XKR9: variants seen among roughly 807,000 people sequenced by gnomAD.
XKR9 encodes the protein XK-related protein 9.
A neutral mutation model predicts 32.0 loss-of-function variants in XKR9; 32 were observed. The observed-to-expected ratio is 1.00, with a 90% CI of 0.76 to 1.34. The LOEUF (loss-of-function observed/expected upper bound fraction) is 1.34, where lower values mean the gene tolerates loss of function less well. Ranked by LOEUF, XKR9 falls within the 40% of genes most tolerant of loss-of-function variation. The pLI, the probability that XKR9 is intolerant of heterozygous loss-of-function variation, is 0.00. For missense variants in XKR9, 546 were observed against 429.7 expected, an observed-to-expected ratio of 1.27 and a Z score of -2.39; for synonymous variants, 168 against 143.4, an observed-to-expected ratio of 1.17 and a Z score of -1.22.
the XKR9 span, among the ~76,000 whole-genome samples, chr8:71,032,284 A>AAAG: frequency 7.7e-6 from 1 of 129,048 alleles, no homozygotes; most frequent in African/African-American, 3.6e-5. Flanking sequence ...ACTCTGTCAA[A>AAAG]AAAAAAAAAA....
At chr8:70,725,772 A>C (rs899180368) in intron 4 of XKR9, among the ~76,000 whole-genome samples, 2 of 151,864 alleles carry the variant, frequency 1.3e-5, no homozygotes, top group Middle Eastern at 3.2e-3. Flanking sequence ...TGGGCATGGT[A>C]GTGGTCGCCT....
chr8:70,745,381 A>G (rs568010696), intron 2 of XKR9, among the ~76,000 whole-genome samples: 1 of 152,326 alleles, frequency 6.6e-6, no homozygotes, highest in East Asian at 1.9e-4. Flanking sequence ...AAGAAAAATA[A>G]TTATGAGCAA....
the XKR9 span, among the ~76,000 whole-genome samples, chr8:70,806,462 A>T: frequency 1.3e-5 from 2 of 152,228 alleles, no homozygotes; most frequent in Non-Finnish European, 2.9e-5. Flanking sequence ...GTTGATAAAA[A>T]ACTACGCTGA....
the XKR9 span, among the ~76,000 whole-genome samples, chr8:70,919,379 T>C: frequency 6.6e-6 from 1 of 152,234 alleles, no homozygotes; most frequent in East Asian, 1.9e-4. Flanking sequence ...TGAGATTTTT[T>C]GGTTTGCTCT....
At chr8:70,754,726 C>G (rs965534882) in intron 2 of XKR9, among the ~76,000 whole-genome samples, 5 of 151,104 alleles carry the variant, frequency 3.3e-5, no homozygotes, top group Admixed American at 6.6e-5. Flanking sequence ...AAAGCTGAAA[C>G]TGGATCCCTT....
the XKR9 span, among the ~76,000 whole-genome samples, chr8:70,923,352 T>A: frequency 6.6e-6 from 1 of 152,224 alleles, no homozygotes; most frequent in South Asian, 2.1e-4. Flanking sequence ...TCAGCATGCA[T>A]CCAGCCATCT....
chr8:71,029,056 C>G, the XKR9 span, among the ~76,000 whole-genome samples: 2 of 152,170 alleles, frequency 1.3e-5, no homozygotes, highest in Non-Finnish European at 1.5e-5. Flanking sequence ...GGTCCGTTGT[C>G]TTCCTGTTGG....
the XKR9 span, among the ~76,000 whole-genome samples, chr8:70,926,167 C>G: frequency 6.6e-6 from 1 of 152,178 alleles, no homozygotes; most frequent in South Asian, 2.1e-4. Flanking sequence ...CTCCACCTCC[C>G]AGGTTCAAGC....
At chr8:70,744,502 C>T (rs900034215) in intron 2 of XKR9, among the ~76,000 whole-genome samples, 2 of 152,164 alleles carry the variant, frequency 1.3e-5, no homozygotes, top group African/African-American at 4.8e-5. Context: ...CACACAGATC[C>T]AATCTCAGGC....
intron 2 of XKR9, among the ~76,000 whole-genome samples, chr8:70,746,909 C>CTTG (rs1807066531): frequency 6.6e-6 from 1 of 152,074 alleles, no homozygotes; most frequent in Non-Finnish European, 1.5e-5. Flanking sequence ...TCAACCCTTG[C>CTTG]CCTCCTCCCT....
At chr8:71,007,113 A>G in the XKR9 span, among the ~76,000 whole-genome samples, 1 of 152,214 alleles carries the variant, frequency 6.6e-6, no homozygotes, top group Admixed American at 6.5e-5. Context: ...TTATTTCTCA[A>G]TGTCCGCGAT....
intron 4 of XKR9, among the ~76,000 whole-genome samples, chr8:70,709,620 G>T (rs764672560): frequency 6.6e-6 from 1 of 152,052 alleles, no homozygotes; most frequent in South Asian, 2.1e-4. Context: ...ATACAAGATC[G>T]ATGTACAAAA....
At chr8:70,870,976 C>A in the XKR9 span, among the ~76,000 whole-genome samples, 2 of 152,098 alleles carry the variant, frequency 1.3e-5, no homozygotes, top group East Asian at 3.9e-4. Flanking sequence ...TTTCTTCAAC[C>A]ACAAGTGGGG....
the XKR9 span, among the ~76,000 whole-genome samples, chr8:70,961,709 AC>A: frequency 6.6e-6 from 1 of 152,122 alleles, no homozygotes; most frequent in Non-Finnish European, 1.5e-5. Context: ...TTTTCCTTAT[AC>A]TTTTCTCTGT....
the XKR9 span, among the ~76,000 whole-genome samples, chr8:71,003,423 T>G: frequency 6.6e-6 from 1 of 152,240 alleles, no homozygotes; most frequent in Non-Finnish European, 1.5e-5. Context: ...CAGTATTGTC[T>G]TGGCTAACAT....
intron 2 of XKR9, among the ~76,000 whole-genome samples, chr8:70,772,385 C>T (rs1807465490): frequency 6.6e-6 from 1 of 152,120 alleles, no homozygotes; most frequent in Admixed American, 6.6e-5. Context: ...GACAAAGGAG[C>T]CTAAAGATTT....
the XKR9 span, among the ~76,000 whole-genome samples, chr8:70,880,031 T>C: frequency 7.9e-5 from 12 of 152,126 alleles, no homozygotes; most frequent in East Asian, 1.9e-3. Context: ...AGCCACACAA[T>C]TATCTCAATA....
At chr8:70,906,250 G>T in the XKR9 span, among the ~76,000 whole-genome samples, 2 of 152,210 alleles carry the variant, frequency 1.3e-5, no homozygotes, top group African/African-American at 4.8e-5. Context: ...AGGCAGGCAG[G>T]CCTCCTTGAG....
At position 70,675,725 on chromosome 8, in the gene XKR9, T is replaced by A. The variant is rs187165410; in HGVS notation, c.-279+826T>A. Among the ~76,000 whole-genome samples, 5 of 152,294 alleles carry A rather than the reference T, an allele frequency of 3.3e-5. No individual in the cohort carries two copies. The East Asian group carries it at 9.7e-4, about 29-fold the overall frequency. Reference sequence around the variant, plus strand: ...GCTTTTTGCTGAGGCATAACATGGGTGATCTTTGCTCCACTTCTGAATAAG... The same window carrying A: ...GCTTTTTGCTGAGGCATAACATGGGAGATCTTTGCTCCACTTCTGAATAAG... On this transcript the variant is annotated intron_variant, in intron 2 of 4. Coordinates refer to ENST00000408926, the MANE Select transcript of XKR9 (RefSeq NM_001011720.2).
Sources: gnomAD v4.1 joint callset for allele counts (sites outside exome capture counted in the v4.1 genomes callset) on GRCh38, gnomAD v4.1.1 for gene constraint, MANE v1.5 for transcripts, NCBI Gene and HGNC (gene_info 2026-07-23, HGNC 2026-07-21) for gene names.